Variants in RPS6KA2 observed in about 807,000 individuals in gnomAD.
The protein encoded by RPS6KA2 is ribosomal protein S6 kinase A2.
RPS6KA2 carries 42 observed loss-of-function variants against 91.8 expected under a neutral mutation model. The observed-to-expected ratio is 0.46, with a 90% confidence interval of 0.36 to 0.59. The LOEUF is 0.59. Ranked by LOEUF, RPS6KA2 falls within the 20% of genes least tolerant of loss-of-function variation. The pLI is 0.00. For synonymous variants in RPS6KA2, 414 were observed against 393.6 expected (o/e 1.05, Z -0.61); for missense variants, 798 against 978.5 (o/e 0.82, Z 2.46).
At chr6:166,601,855 G>T (rs1302186746) in intron 1 of RPS6KA2, among the ~76,000 whole-genome samples, 2 of 152,142 alleles carry the variant, frequency 1.3e-5, no homozygotes, top group Non-Finnish European at 2.9e-5. Context: ...TTAAGACACA[G>T]AAAGCATATA....
intron 2 of RPS6KA2, among the ~76,000 whole-genome samples, chr6:166,774,879 G>T (rs571317356): frequency 6.6e-6 from 1 of 151,036 alleles, no homozygotes; most frequent in Non-Finnish European, 1.5e-5. Flanking sequence ...CCTCTGAGGA[G>T]TCGGATCCCC....
At chr6:166,698,704 T>C (rs942429316) in intron 2 of RPS6KA2, among the ~76,000 whole-genome samples, 1 of 152,086 alleles carries the variant, frequency 6.6e-6, no homozygotes, top group African/African-American at 2.4e-5. Flanking sequence ...GCCTCTCTGT[T>C]GGAGAGGGAA....
In RPS6KA2 at chr6:166,581,505, C is replaced by T. The variant is rs192436113; in HGVS notation, c.100-42721G>A. 5.3e-5 allele frequency among the ~76,000 whole-genome samples: 8 copies of T among 152,214 alleles called. No individual in the cohort carries two copies. In the South Asian group the frequency reaches 6.2e-4, roughly 12 times the overall value. ...TGATGTCCAAGTGCTCAGGTGGGTT[C>T]GGCATTTTCCACAAACCCAAGGACC... On this transcript the variant is annotated intron_variant, in intron 1 of 20. Transcript: ENST00000265678.
rs147542566 is a variant in RPS6KA2, at chr6:166,658,580, A to C, written c.124-119796T>G. 3.3e-3 allele frequency among the ~76,000 whole-genome samples: 496 copies of C among 152,280 alleles called. 2 individuals carry two copies. The highest frequency in any genetic ancestry group is 0.012 in the African/African-American group (484 of 41,562). On this transcript the variant is annotated intron_variant, in intron 2 of 21. Coordinates refer to the RPS6KA2 transcript ENST00000503859. ...TTCAGACAAGGCCAGACTACTTGAT[A>C]AAAGTCATCTTCCATGTCAGGATGT...
Position 166,411,647 on chromosome 6 carries a change from CA to C in RPS6KA2, c.*1114del, listed in dbSNP as rs1778309445. ...TGCAACAGAGACACAAAACGCAACA[CA>C]AAGCCACAGCATCTACAAAGTGCAT... On this transcript the variant is annotated 3_prime_UTR_variant, in exon 21 of 21. Transcript: ENST00000265678. This position sits in a 1 kb window ranked among gnomAD's most constrained non-coding sequence, Gnocchi z 4.5. 1 of 152,920 alleles carries C rather than the reference CA, an allele frequency of 6.5e-6. No homozygotes were observed. The highest frequency in any genetic ancestry group is 2.4e-5 in the African/African-American group (1 of 41,454). 9.5% of individuals were successfully genotyped at this position (152,920 alleles called of 1,614,324 possible).
rs564654620 is a variant in RPS6KA2, at chr6:166,491,051, G to A, written c.748-310C>T. Among the ~76,000 whole-genome samples, 4 of 152,314 alleles carry A rather than the reference G, an allele frequency of 2.6e-5. No homozygotes were observed. The South Asian group carries it at 8.3e-4, about 32-fold the overall frequency. On this transcript the variant is annotated intron_variant, in intron 8 of 20. Transcript: ENST00000265678. ...GCAGGGTCCTGTGGTCAGGCAGTTT[G>A]GACGAACACATCTTACACGCGGTTT...
At chr6:166,489,518 C>T (rs138713547) in intron 9 of RPS6KA2, among the ~76,000 whole-genome samples, 1 of 152,218 alleles carries the variant, frequency 6.6e-6, no homozygotes, top group South Asian at 2.1e-4. Flanking sequence ...TCCAGAAATT[C>T]TCCATCCCTC....
At chr6:166,841,080 A>C (rs532336024) in intron 2 of RPS6KA2, among the ~76,000 whole-genome samples, 84 of 151,814 alleles carry the variant, frequency 5.5e-4, no homozygotes, top group African/African-American at 1.9e-3. Flanking sequence ...TTGGGAGTTC[A>C]AGACCAGCCT....
chr6:166,836,555 A>G (rs924662438), intron 2 of RPS6KA2, among the ~76,000 whole-genome samples: 1 of 152,016 alleles, frequency 6.6e-6, no homozygotes. Context: ...CTCTGGTATC[A>G]CTTCTGAAGG....
chr6:166,531,083 C>A (rs1783258495), intron 3 of RPS6KA2, 149 bp downstream of exon 3: 2 of 659,726 alleles, frequency 3.0e-6, no homozygotes, highest in Non-Finnish European at 5.5e-6. Context: ...AATGTTTATA[C>A]TGTTTATTAT....
chr6:166,477,388 A>G (rs1781018459), intron 10 of RPS6KA2, among the ~76,000 whole-genome samples: 1 of 152,192 alleles, frequency 6.6e-6, no homozygotes, highest in Non-Finnish European at 1.5e-5. Context: ...AGGTAGCTCC[A>G]TCTTTCTCTC....
chr6:166,657,896 T>C (rs1233918201), intron 2 of RPS6KA2, among the ~76,000 whole-genome samples: 1 of 152,212 alleles, frequency 6.6e-6, no homozygotes, highest in Admixed American at 6.5e-5. Flanking sequence ...TTTTCTTTCT[T>C]TTTTTGAGAC....
At position 166,639,601 on chromosome 6, in the gene RPS6KA2, C is replaced by T. The variant is rs1024928094; in HGVS notation, c.124-100817G>A. ...CTTCTTCCATGTTGCGTTTGCCTCT[C>T]CTCCTTCCTCCAGGGTGCAGTCTCT... is the stretch of plus-strand genomic sequence containing the variant. On this transcript the variant is annotated intron_variant, in intron 2 of 21. Coordinates refer to the RPS6KA2 transcript ENST00000503859. The surrounding 1 kb of genome is among the most constrained non-coding windows in gnomAD (Gnocchi z 4.2). Among the ~76,000 whole-genome samples the T allele has an allele frequency of 1.3e-5, 2 of 152,164 alleles. No homozygotes were observed. Among genetic ancestry groups the T allele is most frequent in the African/African-American group, 4.8e-5 (2 of 41,422 alleles).
At chr6:166,489,385 G>A (rs930022188) in intron 9 of RPS6KA2, among the ~76,000 whole-genome samples, 4 of 152,152 alleles carry the variant, frequency 2.6e-5, no homozygotes, top group Admixed American at 6.5e-5. Context: ...CCCTGTGCTC[G>A]GTCTGTTGCG....
At chr6:166,781,704 G>A (rs139393276) in intron 2 of RPS6KA2, among the ~76,000 whole-genome samples, 1 of 152,322 alleles carries the variant, frequency 6.6e-6, no homozygotes, top group Non-Finnish European at 1.5e-5. Flanking sequence ...CCTGAGGACA[G>A]ATGATGGAGC....
At chr6:166,807,590 T>C (rs1779523831) in intron 2 of RPS6KA2, among the ~76,000 whole-genome samples, 1 of 151,510 alleles carries the variant, frequency 6.6e-6, no homozygotes. Flanking sequence ...GCAGCCCCAT[T>C]CCTACAGAGG....
At chr6:166,498,728 TCCTTC>T in intron 7 of RPS6KA2, 78 bp from the exon 8 acceptor site, 1 of 1,561,436 alleles carries the variant, frequency 6.4e-7, no homozygotes, top group Non-Finnish European at 8.7e-7. Context: ...GGCATCAGCG[TCCTTC>T]TGTGGGCTCT....
intron 1 of RPS6KA2, among the ~76,000 whole-genome samples, chr6:166,609,751 C>T (rs924037186): frequency 8.5e-5 from 13 of 152,130 alleles, no homozygotes; most frequent in African/African-American, 1.9e-4. Flanking sequence ...CTGCCCGCCT[C>T]GTCCTCCTAA....
At position 166,493,336 on chromosome 6, in the gene RPS6KA2, A is replaced by G. The variant is rs1781672008; in HGVS notation, c.748-2595T>C. On this transcript the variant is annotated intron_variant, in intron 8 of 20. Transcript: ENST00000265678. The surrounding 1 kb of genome is among the most constrained non-coding windows in gnomAD (Gnocchi z 4.7). The stretch of plus-strand genomic sequence containing the variant: ...CCACCCTTTTCTGTGGAGAAGGGAG[A>G]TCATTTCAGTATGATTGTCTGAATG... 6.6e-6 allele frequency among the ~76,000 whole-genome samples: 1 copy of G among 151,904 alleles called. No individual in the cohort carries two copies. Among genetic ancestry groups the G allele is most frequent in the African/African-American group, 2.4e-5 (1 of 41,302 alleles).
Sources: gnomAD v4.1 joint callset for allele counts (sites outside exome capture counted in the v4.1 genomes callset) on GRCh38, gnomAD v4.1.1 for gene constraint, Gnocchi (gnomAD v3.1) non-coding constraint, MANE v1.5 for transcripts, NCBI Gene and HGNC (gene_info 2026-07-23, HGNC 2026-07-21) for gene names.